Variants in GMDS observed in about 807,000 individuals in gnomAD.
GMDS encodes the protein GDP-mannose 4,6-dehydratase.
In GMDS, 20 loss-of-function variants were observed where a neutral mutation model predicts 49.9. The ratio of observed to expected loss-of-function variants is 0.40; its 90% CI spans 0.28 to 0.58. The LOEUF (loss-of-function observed/expected upper bound fraction) is 0.58. Among genes scored for constraint, GMDS ranks in the 20% least tolerant of loss-of-function variants. GMDS has a pLI of 0.42. For synonymous variants in GMDS, 177 were observed against 178.6 expected (o/e 0.99, Z 0.07); for missense variants, 362 against 481.4 (o/e 0.75, Z 2.32).
chr6:1,798,613 C>T (rs891294133), intron 7 of GMDS, among the ~76,000 whole-genome samples: 1 of 152,150 alleles, frequency 6.6e-6, no homozygotes, highest in African/African-American at 2.4e-5. Context: ...CTAAAGCCAG[C>T]CACCCGCTGA....
At chr6:2,176,011 T>G in intron 1 of GMDS, 1 of 1,534,006 alleles carries the variant, frequency 6.5e-7, no homozygotes, top group Non-Finnish European at 8.7e-7. Flanking sequence ...CACACAAAAG[T>G]GCCTCAGAGC....
intron 4 of GMDS, among the ~76,000 whole-genome samples, chr6:2,033,578 A>C (rs1345383527): frequency 1.3e-5 from 2 of 152,212 alleles, no homozygotes; most frequent in East Asian, 3.8e-4. Flanking sequence ...TATAAGAATA[A>C]ATTTATTTCT....
At chr6:1,740,543 T>C (rs1767228756) in intron 8 of GMDS, among the ~76,000 whole-genome samples, 1 of 143,988 alleles carries the variant, frequency 6.9e-6, no homozygotes, top group Admixed American at 7.1e-5. Flanking sequence ...GGGGACAGAG[T>C]GAGACTCCGT....
intron 7 of GMDS, among the ~76,000 whole-genome samples, chr6:1,759,219 T>G (rs958132600): frequency 1.6e-4 from 24 of 152,150 alleles, no homozygotes; most frequent in African/African-American, 5.6e-4. Flanking sequence ...GGAAGACTGA[T>G]AGGGTGGAGT....
chr6:1,822,517 T>C (rs954577486), intron 7 of GMDS, among the ~76,000 whole-genome samples: 2 of 152,102 alleles, frequency 1.3e-5, no homozygotes, highest in South Asian at 2.1e-4. Context: ...GTGGAAACAA[T>C]ACATAGTCAT....
chr6:1,782,429 A>G (rs939301380), intron 7 of GMDS, among the ~76,000 whole-genome samples: 3 of 152,234 alleles, frequency 2.0e-5, no homozygotes, highest in Non-Finnish European at 4.4e-5. Context: ...AGAGGCCACA[A>G]GAAGCTTCAA....
intron 3 of GMDS, 28 bp downstream of exon 3, chr6:2,117,441 G>T: frequency 8.0e-7 from 1 of 1,254,626 alleles, no homozygotes; most frequent in Non-Finnish European, 1.2e-6. Context: ...CTTATAGAAA[G>T]AGATTCTAGA....
chr6:1,938,612 T>C (rs1370955865), intron 6 of GMDS, among the ~76,000 whole-genome samples: 1 of 152,106 alleles, frequency 6.6e-6, no homozygotes, highest in Non-Finnish European at 1.5e-5. Context: ...CTGTTTTCTT[T>C]GGTATTCTGG....
intron 4 of GMDS, among the ~76,000 whole-genome samples, chr6:1,987,432 G>A (rs567956012): frequency 6.6e-6 from 1 of 152,120 alleles, no homozygotes; most frequent in South Asian, 2.1e-4. Context: ...TTGAGTATTT[G>A]CAAAACTATC....
At chr6:1,740,172 T>C (rs1767209334) in intron 8 of GMDS, among the ~76,000 whole-genome samples, 1 of 152,190 alleles carries the variant, frequency 6.6e-6, no homozygotes. Context: ...ACATATACAA[T>C]ATAAATTTGT....
chr6:1,716,783 C>G (rs1261606632), intron 9 of GMDS, among the ~76,000 whole-genome samples: 1 of 152,206 alleles, frequency 6.6e-6, no homozygotes, highest in Admixed American at 6.5e-5. Flanking sequence ...AGTTCTTACA[C>G]CCCGTCCCCC....
intron 7 of GMDS, among the ~76,000 whole-genome samples, chr6:1,905,794 G>A (rs1162356144): frequency 1.7e-5 from 2 of 116,054 alleles, no homozygotes; most frequent in East Asian, 2.5e-4. Context: ...GCACATAGCT[G>A]TGGGTGCTGG....
At chr6:1,969,953 TTGAATAAA>T (rs1764506585) in intron 4 of GMDS, among the ~76,000 whole-genome samples, 1 of 152,244 alleles carries the variant, frequency 6.6e-6, no homozygotes, top group South Asian at 2.1e-4. Flanking sequence ...GGAATATTAC[TTGAATAAA>T]TAAGACAACA....
At chr6:1,862,552 A>C (rs895026797) in intron 7 of GMDS, among the ~76,000 whole-genome samples, 2 of 152,268 alleles carry the variant, frequency 1.3e-5, no homozygotes, top group Non-Finnish European at 2.9e-5. Flanking sequence ...AACAAACATT[A>C]TAACTGTTCA....
intron 7 of GMDS, among the ~76,000 whole-genome samples, chr6:1,925,879 T>C (rs1186648745): frequency 6.6e-6 from 1 of 152,012 alleles, no homozygotes; most frequent in Non-Finnish European, 1.5e-5. Flanking sequence ...GCTGTGCCTA[T>C]AAAAACCCCA....
At chr6:1,779,136 G>A (rs1768970789) in intron 7 of GMDS, among the ~76,000 whole-genome samples, 3 of 152,232 alleles carry the variant, frequency 2.0e-5, no homozygotes, top group Admixed American at 2.0e-4. Context: ...TGGGTACGAG[G>A]ACAGCCTTCC....
rs552608715 is a variant in GMDS at position 2,042,617 on chromosome 6, T to G, written c.345+73154A>C. On this transcript the variant is annotated intron_variant, in intron 4 of 10. Coordinates refer to ENST00000380815, the MANE Select transcript of GMDS (RefSeq NM_001500.4). ...TTAAAAAGTTGTAGCTTAAAAAATTTTTTTTAAGTTGTGGCTTAGTACCAA... is the reference window on the plus strand; with the variant it reads ...TTAAAAAGTTGTAGCTTAAAAAATTGTTTTTAAGTTGTGGCTTAGTACCAA... 1.8e-4 allele frequency among the ~76,000 whole-genome samples: 27 copies of G among 152,300 alleles called. No individual in the cohort carries two copies. The East Asian group carries it at 4.2e-3, about 24-fold the overall frequency.
At chr6:1,847,936 T>A (rs896749350) in intron 7 of GMDS, among the ~76,000 whole-genome samples, 1 of 152,000 alleles carries the variant, frequency 6.6e-6, no homozygotes, top group African/African-American at 2.4e-5. Flanking sequence ...AGACGAGATA[T>A]ATGAAAGAGA....
At chr6:2,207,825 A>G (rs1481151792) in intron 1 of GMDS, among the ~76,000 whole-genome samples, 1 of 151,940 alleles carries the variant, frequency 6.6e-6, no homozygotes, top group African/African-American at 2.4e-5. Context: ...ACATGGCCAC[A>G]GGCAATTTTC....
Sources: allele counts gnomAD v4.1 joint callset (sites outside exome capture counted in the v4.1 genomes callset), GRCh38; gene constraint gnomAD v4.1.1; transcripts MANE v1.5; gene names NCBI Gene and HGNC (gene_info 2026-07-23, HGNC 2026-07-21).